The following MTCH1 variants were observed in gnomAD, a reference collection of about 807,000 sequenced individuals.
MTCH1 encodes the protein mitochondrial carrier 1, also known as mitochondrial carrier homolog 1.
MTCH1 carries 23 observed loss-of-function variants against 49.3 expected under a neutral mutation model. The ratio of observed to expected loss-of-function variants is 0.47; its 90% CI spans 0.34 to 0.66. MTCH1 has a LOEUF of 0.66. MTCH1 is among the 30% of genes least tolerant of loss of function. The pLI is 0.01. For synonymous variants in MTCH1, 229 were observed against 215.2 expected, an observed-to-expected ratio of 1.06 and a Z score of -0.56; for missense variants, 397 against 532.1, an observed-to-expected ratio of 0.75 and a Z score of 2.50.
At chr6:36,970,947 C>T (rs1222764676) in intron 8 of MTCH1, 1 of 551,482 alleles carries the variant, frequency 1.8e-6, no homozygotes, top group African/African-American at 1.9e-5. Flanking sequence ...ACCCACCGGA[C>T]TGTGAGCCTC....
chr6:36,978,688 C>T (rs1292333713), intron 2 of MTCH1, 77 bp from the exon 3 acceptor site: 13 of 1,307,352 alleles, frequency 9.9e-6, no homozygotes, highest in Non-Finnish European at 1.2e-5. Flanking sequence ...ACACCCAGAC[C>T]AGGCTCGGCT....
In MTCH1 at chr6:36,986,178, C is replaced by T; in HGVS notation, c.-5G>A. On this transcript the variant is annotated 5_prime_UTR_variant, in exon 1 of 12. Transcript: ENST00000373627. ...TTCCGGGTCCGAAGCTCCCATGGCG[C>T]CCGGCGGCGAGGTCACTCCCCGTCA... is the stretch of plus-strand genomic sequence containing the variant. 2.8e-6 allele frequency: 4 copies of T among 1,425,706 alleles called. No homozygotes were observed. In the South Asian group the frequency reaches 4.2e-5, roughly 15 times the overall value. The allele number at this position is 1,425,706 out of a possible 1,614,324, so 88.3% of individuals were successfully genotyped here.
At position 36,977,140 on chromosome 6, in the gene MTCH1, G is replaced by A; in HGVS notation, c.701+59C>T. ...GCAGCAACCAATCCCAGCACGGCCT[G>A]CCCTGGCCGACTCTGAAAGGGTAAC... On this transcript the variant is annotated intron_variant, in intron 6 of 11. Coordinates refer to ENST00000373627, the MANE Select transcript of MTCH1 (RefSeq NM_001271641.2). This position sits in a 1 kb window ranked among gnomAD's most constrained non-coding sequence, Gnocchi z 5.4. 2 of 1,571,566 alleles carry A rather than the reference G, an allele frequency of 1.3e-6. No individual in the cohort carries two copies. The highest frequency in any genetic ancestry group is 1.7e-6 in the Non-Finnish European group (2 of 1,144,272).
chr6:36,972,713 AC>A lies in MTCH1; in HGVS notation c.844del (p.Val282TrpfsTer5), dbSNP rs1763726765. On this transcript the variant is annotated frameshift_variant, in exon 8 of 12. Coordinates refer to ENST00000373627, the MANE Select transcript of MTCH1 (RefSeq NM_001271641.2). LOFTEE classifies it high-confidence loss of function. This position sits in a 1 kb window ranked among gnomAD's most constrained non-coding sequence, Gnocchi z 4.1. Reference sequence around the variant, plus strand: ...TGGGGTGTCACTCACGCTGTCATCCACCAGGTAGGCATTGATGAAGTGGGCC... The same window carrying A: ...TGGGGTGTCACTCACGCTGTCATCCACAGGTAGGCATTGATGAAGTGGGCC... ...LLAHFINAYL[V>X]DDSVSDTPGG... 3 of 1,552,606 alleles carry A rather than the reference AC, an allele frequency of 1.9e-6. No individual in the cohort carries two copies. The highest frequency in any genetic ancestry group is 8.7e-7 in the Non-Finnish European group (1 of 1,147,422).
intron 1 of MTCH1, among the ~76,000 whole-genome samples, chr6:36,984,331 T>G (rs1363627026): frequency 1.3e-5 from 2 of 152,156 alleles, no homozygotes; most frequent in Non-Finnish European, 2.9e-5. Context: ...CCTTCCGCCA[T>G]CAACAATTTT....
intron 8 of MTCH1, among the ~76,000 whole-genome samples, chr6:36,971,870 G>A (rs532446991): frequency 1.3e-5 from 2 of 152,244 alleles, no homozygotes; most frequent in Admixed American, 6.5e-5. Context: ...CCCAGCCATC[G>A]CTGCTCCCTA....
At position 36,972,903 on chromosome 6, in the gene MTCH1, A is replaced by C. The variant is rs1012255459; in HGVS notation, c.762-107T>G. The C allele has an allele frequency of 8.7e-7, 1 of 1,149,500 alleles. No individual in the cohort carries two copies. Among genetic ancestry groups the C allele is most frequent in the Non-Finnish European group, 1.2e-6 (1 of 809,518 alleles). The allele number at this position is 1,149,500 out of a possible 1,614,324, so 71.2% of individuals were successfully genotyped here. ...GATGTTCCGAGCTCAAAATCTTAGC[A>C]TATCCAATGGCACAGCCTTAGAAAG... is the stretch of plus-strand genomic sequence containing the variant. On this transcript the variant is annotated intron_variant, in intron 7 of 11. Coordinates refer to ENST00000373627, the MANE Select transcript of MTCH1 (RefSeq NM_001271641.2). This position sits in a 1 kb window ranked among gnomAD's most constrained non-coding sequence, Gnocchi z 4.1.
At chr6:36,985,109 C>T (rs1764250000) in intron 1 of MTCH1, among the ~76,000 whole-genome samples, 1 of 150,412 alleles carries the variant, frequency 6.6e-6, no homozygotes, top group East Asian at 2.0e-4. Flanking sequence ...CTGTCCCCTC[C>T]TCCTACCAAA....
At chr6:36,985,794 C>A in intron 1 of MTCH1, 59 bp downstream of exon 1, 1 of 1,220,208 alleles carries the variant, frequency 8.2e-7, no homozygotes, top group Non-Finnish European at 1.1e-6. Context: ...TCCTCCAAAT[C>A]CTGGCCTGTC....
chr6:36,970,243 C>A (rs1288804906), intron 10 of MTCH1, 129 bp from the exon 11 acceptor site: 1 of 1,421,090 alleles, frequency 7.0e-7, no homozygotes, highest in South Asian at 1.3e-5. Context: ...CACAGTTTAC[C>A]CCAGGGGGTG....
intron 2 of MTCH1, among the ~76,000 whole-genome samples, chr6:36,979,181 C>T (rs1764003067): frequency 6.6e-6 from 1 of 152,100 alleles, no homozygotes; most frequent in Admixed American, 6.6e-5. Flanking sequence ...CCCAGGATAC[C>T]ACCTGGCACC....
At chr6:36,970,948 T>A (rs1289929317) in intron 8 of MTCH1, 1 of 550,286 alleles carries the variant, frequency 1.8e-6, no homozygotes, top group Non-Finnish European at 3.3e-6. Flanking sequence ...CCCACCGGAC[T>A]GTGAGCCTCA....
intron 8 of MTCH1, among the ~76,000 whole-genome samples, chr6:36,971,114 T>G (rs1249880184): frequency 6.6e-6 from 1 of 152,102 alleles, no homozygotes; most frequent in Non-Finnish European, 1.5e-5. Flanking sequence ...TCAGCAAGCT[T>G]TTCCCCCTTC....
chr6:36,981,658 C>T lies in MTCH1; in HGVS notation c.336G>A (p.Pro112=), dbSNP rs755488075. 12 of 1,612,584 alleles carry T rather than the reference C, an allele frequency of 7.4e-6. No homozygotes were observed. Among genetic ancestry groups the T allele is most frequent in the African/African-American group, 5.3e-5 (4 of 74,814 alleles). Residue 112 remains proline, a synonymous_variant, in exon 2 of 12, where the codon CCG becomes CCA. Coordinates refer to ENST00000373627, the MANE Select transcript of MTCH1 (RefSeq NM_001271641.2). ...CATTGGTCCCAAGGGTGGGGGGCAT[C>T]GGCTCATGACCCACCTTCAGAATTA... ...VKLLIQVGHE[P]MPPTLGTNVL...
chr6:36,978,358 TG>T, intron 3 of MTCH1, 146 bp downstream of exon 3: 1 of 879,464 alleles, frequency 1.1e-6, no homozygotes. Context: ...AGCAGAACTG[TG>T]GGGTGGGAGC....
At chr6:36,973,602 G>C (rs1394615907) in intron 7 of MTCH1, among the ~76,000 whole-genome samples, 2 of 152,236 alleles carry the variant, frequency 1.3e-5, no homozygotes, top group Non-Finnish European at 2.9e-5. Flanking sequence ...GTCCCTGCCT[G>C]TGCTCAGATT....
Position 36,985,932 on chromosome 6 carries a change from G to C in MTCH1, c.242C>G (p.Thr81Ser). The change falls in exon 1 of 12, where the codon ACT (threonine) becomes AGT (serine). Residue 81 changes from threonine to serine, a missense_variant. Around this residue, in one of 2 missense-constraint regions of MTCH1, gnomAD observed 145 missense variants for 143.8 expected, o/e 1.01. Coordinates refer to ENST00000373627, the MANE Select transcript of MTCH1 (RefSeq NM_001271641.2). ...GLGSGDNAPTTEALFVALGAG... is the reference protein window; with the variant it reads ...GLGSGDNAPTSEALFVALGAG... ...GCCCAGTGCCACGAAAAGAGCCTCA[G>C]TGGTCGGGGCGTTGTCCCCAGACCC... is the stretch of plus-strand genomic sequence containing the variant. The C allele has an allele frequency of 6.4e-7, 1 of 1,553,196 alleles. No homozygotes were observed. Among genetic ancestry groups the C allele is most frequent in the Non-Finnish European group, 8.7e-7 (1 of 1,148,502 alleles).
chr6:36,985,125 C>T (rs956030397), intron 1 of MTCH1, among the ~76,000 whole-genome samples: 1 of 150,550 alleles, frequency 6.6e-6, no homozygotes, highest in Non-Finnish European at 1.5e-5. Context: ...CCAAATCCGT[C>T]GTCGCCATCA....
chr6:36,978,370 TC>T (rs1464735580), intron 3 of MTCH1, 134 bp downstream of exon 3: 15 of 933,096 alleles, frequency 1.6e-5, no homozygotes, highest in Non-Finnish European at 2.4e-5. Flanking sequence ...GGGTGGGAGC[TC>T]CCCCATGGGG....
Sources: gnomAD v4.1 joint callset for allele counts (sites outside exome capture counted in the v4.1 genomes callset) on GRCh38, gnomAD v4.1.1 for gene constraint, gnomAD v4.1.1 regional missense constraint, Gnocchi (gnomAD v3.1) non-coding constraint, MANE v1.5 for transcripts, NCBI Gene and HGNC (gene_info 2026-07-23, HGNC 2026-07-21) for gene names.